Variants in ZC2HC1A observed in about 807,000 individuals in gnomAD.
ZC2HC1A encodes the protein zinc finger C2HC-type containing 1A.
In ZC2HC1A, 28 loss-of-function variants were observed where a neutral mutation model predicts 40.7. The ratio of observed to expected loss-of-function variants is 0.69; its 90% CI spans 0.51 to 0.94. The LOEUF (loss-of-function observed/expected upper bound fraction) is 0.94. Among genes scored for constraint, ZC2HC1A ranks in the 40% least tolerant of loss-of-function variants. The probability of loss-of-function intolerance (pLI) is 0.00; values close to 1 mark genes in which losing one functional copy is unlikely to be tolerated. For synonymous variants in ZC2HC1A, 129 were observed against 129.2 expected (o/e 1.00, Z 0.01); for missense variants, 389 against 386.3 (o/e 1.01, Z -0.06).
In ZC2HC1A at chr8:78,718,133, T is replaced by A. The variant is rs1190553891; in HGVS notation, c.*640T>A. 1.3e-5 allele frequency: 2 copies of A among 152,040 alleles called. No individual in the cohort carries two copies. The highest frequency in any genetic ancestry group is 2.9e-5 in the Non-Finnish European group (2 of 67,896). 9.4% of individuals were successfully genotyped at this position (152,040 alleles called of 1,614,324 possible). A position where few individuals can be genotyped will look rare whatever the true frequency, so the allele number is the denominator to read the frequency against. On this transcript the variant is annotated 3_prime_UTR_variant, in exon 9 of 9. Coordinates refer to ENST00000263849, the MANE Select transcript of ZC2HC1A (RefSeq NM_016010.3). Reference sequence around the variant, plus strand: ...GTAATTATGCAATTTCCTTTTCAAATACACAAGACTAAAAATACAAATCTA... The same window carrying A: ...GTAATTATGCAATTTCCTTTTCAAAAACACAAGACTAAAAATACAAATCTA...
rs573819509 is a variant in ZC2HC1A at position 78,679,688 on chromosome 8, AG to A, written c.210+1011del. On this transcript the variant is annotated intron_variant, in intron 3 of 8. Coordinates refer to ENST00000263849, the MANE Select transcript of ZC2HC1A (RefSeq NM_016010.3). The stretch of plus-strand genomic sequence containing the variant: ...ATTTAAGCTAAGTACCTGATTGAAT[AG>A]GTTTTTTAAACAGAATCCTACTGTT... 2.5e-3 allele frequency among the ~76,000 whole-genome samples: 388 copies of A among 152,284 alleles called. 2 individuals carry two copies. Among genetic ancestry groups the A allele is most frequent in the Non-Finnish European group, 4.2e-3 (288 of 68,002 alleles).
intron 4 of ZC2HC1A, among the ~76,000 whole-genome samples, chr8:78,687,891 T>G: frequency 9.6e-6 from 1 of 104,248 alleles, no homozygotes; most frequent in African/African-American, 3.2e-5. Flanking sequence ...ATTTATATAA[T>G]AAATTATATA....
At chr8:78,706,979 T>C (rs946323912) in intron 7 of ZC2HC1A, among the ~76,000 whole-genome samples, 7 of 152,202 alleles carry the variant, frequency 4.6e-5, no homozygotes, top group Admixed American at 2.0e-4. Flanking sequence ...AAAGAGACAG[T>C]TTATCAGTAG....
At chr8:78,666,266 G>T in intron 1 of ZC2HC1A, 102 bp downstream of exon 1, 1 of 1,519,792 alleles carries the variant, frequency 6.6e-7, no homozygotes, top group South Asian at 1.2e-5. Flanking sequence ...GTTCGGTGCG[G>T]CGGACCTCGC....
rs1809663962 is a variant in ZC2HC1A, at chr8:78,678,661, A to G, written c.192A>G (p.Val64=). 6.2e-7 allele frequency: 1 copy of G among 1,608,576 alleles called. No homozygotes were observed. The highest frequency in any genetic ancestry group is 1.1e-5 in the South Asian group (1 of 89,862). Residue 64 remains valine, a synonymous_variant, in exon 3 of 9, where the codon GTA becomes GTG. Transcript: ENST00000263849. ...CTGAAGGAACTGATATTCCAACAGTAAAACCTCTCAAACCGAGGGTAACTA... is the reference window on the plus strand; with the variant it reads ...CTGAAGGAACTGATATTCCAACAGTGAAACCTCTCAAACCGAGGGTAACTA... ...QRAEGTDIPT[V]KPLKPRPEPP...
At chr8:78,679,300 G>A (rs1199633610) in intron 3 of ZC2HC1A, 2 of 152,082 alleles carry the variant, frequency 1.3e-5, no homozygotes, top group African/African-American at 4.8e-5. Context: ...CTTGGTATCT[G>A]TGGGAGATTG....
chr8:78,698,818 T>C (rs1810513197), intron 7 of ZC2HC1A, among the ~76,000 whole-genome samples: 1 of 152,218 alleles, frequency 6.6e-6, no homozygotes, highest in African/African-American at 2.4e-5. Context: ...TATAATTTAC[T>C]AAGCACTATG....
intron 7 of ZC2HC1A, among the ~76,000 whole-genome samples, chr8:78,710,513 A>G (rs1426042045): frequency 6.6e-6 from 1 of 152,034 alleles, no homozygotes; most frequent in African/African-American, 2.4e-5. Context: ...GGATTTGACC[A>G]TTTCTTATCA....
chr8:78,697,579 T>A, intron 6 of ZC2HC1A, 73 bp downstream of exon 6: 1 of 1,097,100 alleles, frequency 9.1e-7, no homozygotes, highest in Non-Finnish European at 1.4e-6. Context: ...AAGATAGTGG[T>A]CTATTCTGGA....
chr8:78,703,979 T>C lies in ZC2HC1A; in HGVS notation c.704+5466T>C, dbSNP rs936849983. Among the ~76,000 whole-genome samples, 22 of 152,188 alleles carry C rather than the reference T, an allele frequency of 1.4e-4. 1 individual carries two copies. Among genetic ancestry groups the C allele is most frequent in the Admixed American group, 1.4e-3 (22 of 15,274 alleles). The stretch of plus-strand genomic sequence containing the variant: ...AGGAGCTCTTGTAAGGCAGGTCTGG[T>C]GGTAACAAATTCCTACAGCATTTGC... On this transcript the variant is annotated intron_variant, in intron 7 of 8. Transcript: ENST00000263849.
rs143423397 is a variant in ZC2HC1A, at chr8:78,695,660, A to C, written c.505-1747A>C. Among the ~76,000 whole-genome samples, 425 of 152,172 alleles carry C rather than the reference A, an allele frequency of 2.8e-3. 1 individual carries two copies. The East Asian group carries it at 0.029, about 10-fold the overall frequency. ...CTAATGTCTGTCTTTCTCTCTCTATATATATATAGTGGCCCAGATGCCCTT... is the reference window on the plus strand; with the variant it reads ...CTAATGTCTGTCTTTCTCTCTCTATCTATATATAGTGGCCCAGATGCCCTT... On this transcript the variant is annotated intron_variant, in intron 5 of 8. Transcript: ENST00000263849.
chr8:78,682,223 GAGA>G (rs1809810754), intron 3 of ZC2HC1A, among the ~76,000 whole-genome samples: 2 of 152,126 alleles, frequency 1.3e-5, no homozygotes, highest in African/African-American at 4.8e-5. Context: ...TAAAATCAAG[GAGA>G]AGGTTAAACT....
At chr8:78,683,434 A>C (rs1000908370) in intron 3 of ZC2HC1A, among the ~76,000 whole-genome samples, 6 of 152,202 alleles carry the variant, frequency 3.9e-5, no homozygotes, top group African/African-American at 1.4e-4. Flanking sequence ...GGAAGCTGCC[A>C]AGGCTTTGGG....
At chr8:78,692,868 C>G (rs1035161582) in intron 5 of ZC2HC1A, among the ~76,000 whole-genome samples, 6 of 152,068 alleles carry the variant, frequency 3.9e-5, no homozygotes, top group African/African-American at 1.4e-4. Flanking sequence ...TCTCCTAATG[C>G]TATCCCTCCC....
chr8:78,701,097 A>G (rs1181261887), intron 7 of ZC2HC1A, among the ~76,000 whole-genome samples: 3 of 152,180 alleles, frequency 2.0e-5, no homozygotes, highest in Non-Finnish European at 4.4e-5. Context: ...TCACCATTTT[A>G]ACAATATTGA....
intron 4 of ZC2HC1A, among the ~76,000 whole-genome samples, chr8:78,687,962 T>TTATATATAAATATATATAAATTATA (rs1810078652): frequency 6.9e-6 from 1 of 144,458 alleles, no homozygotes; most frequent in Non-Finnish European, 1.5e-5. Context: ...ATATCTATAT[T>TTATATATAAATATATATAAATTATA]TATATATAAA....
intron 1 of ZC2HC1A, among the ~76,000 whole-genome samples, chr8:78,669,936 G>T (rs908085135): frequency 6.6e-6 from 1 of 151,196 alleles, no homozygotes; most frequent in Admixed American, 6.6e-5. Flanking sequence ...ATTGAATCAA[G>T]GAATGAATGT....
Position 78,717,721 on chromosome 8 carries a change from T to G in ZC2HC1A, c.*228T>G, listed in dbSNP as rs1363411863. On this transcript the variant is annotated 3_prime_UTR_variant, in exon 9 of 9. Transcript: ENST00000263849. ...CCCCAGACTGTGTCATTCAAGGAAA[T>G]ATTCACTTATCTGTCAGAAAATAAT... is the stretch of plus-strand genomic sequence containing the variant. The G allele has an allele frequency of 9.5e-6, 3 of 315,354 alleles. No homozygotes were observed. Among genetic ancestry groups the G allele is most frequent in the Non-Finnish European group, 1.7e-5 (3 of 174,660 alleles). The allele number at this position is 315,354 out of a possible 1,614,324, so 19.5% of individuals were successfully genotyped here.
chr8:78,667,898 C>T (rs916862122), intron 1 of ZC2HC1A, among the ~76,000 whole-genome samples: 1 of 151,356 alleles, frequency 6.6e-6, no homozygotes, highest in African/African-American at 2.4e-5. Context: ...TTTATGGGTC[C>T]AGCTTATGAT....
Sources: allele counts gnomAD v4.1 joint callset (sites outside exome capture counted in the v4.1 genomes callset), GRCh38; gene constraint gnomAD v4.1.1; transcripts MANE v1.5; gene names NCBI Gene and HGNC (gene_info 2026-07-23, HGNC 2026-07-21).